The following ADGRL1 variants were observed in gnomAD, a reference collection of about 807,000 sequenced individuals.
The protein encoded by ADGRL1 is adhesion G protein-coupled receptor L1.
In ADGRL1, 31 loss-of-function variants were observed where a neutral mutation model predicts 148.9. The observed-to-expected ratio is 0.21, with a 90% CI of 0.16 to 0.28. The LOEUF (loss-of-function observed/expected upper bound fraction) is 0.28. ADGRL1 is among the 10% of genes least tolerant of loss of function. The pLI, the probability that ADGRL1 is intolerant of heterozygous loss-of-function variation, is 1.00. For missense variants in ADGRL1, 1,521 were observed against 2,058.8 expected (o/e 0.74, Z 5.05); for synonymous variants, 937 against 900.3 (o/e 1.04, Z -0.73).
chr19:14,164,817 G>T (rs897225995), intron 4 of ADGRL1: 2 of 152,168 alleles, frequency 1.3e-5, no homozygotes, highest in Middle Eastern at 3.1e-3. Context: ...GACTGATCCG[G>T]GGGTCAGTGT....
intron 16 of ADGRL1, 32 bp downstream of exon 16, chr19:14,156,626 T>C: frequency 6.3e-7 from 1 of 1,586,532 alleles, no homozygotes; most frequent in Non-Finnish European, 8.6e-7. Context: ...TGAAGGAAGA[T>C]GTGGTGCTAG....
chr19:14,182,388 GGAC>G (rs1349220181), intron 2 of ADGRL1, among the ~76,000 whole-genome samples: 1 of 152,192 alleles, frequency 6.6e-6, no homozygotes, highest in Non-Finnish European at 1.5e-5. Context: ...ATTCAGCCAG[GGAC>G]CCAGATGCCC....
intron 4 of ADGRL1, among the ~76,000 whole-genome samples, chr19:14,165,641 C>A (rs1393373589): frequency 6.7e-6 from 1 of 149,760 alleles, no homozygotes; most frequent in Non-Finnish European, 1.5e-5. Flanking sequence ...GCATCCAAAC[C>A]AGTGGGCCTG....
chr19:14,175,741 C>A (rs925433103), intron 3 of ADGRL1, among the ~76,000 whole-genome samples: 2 of 152,122 alleles, frequency 1.3e-5, no homozygotes, highest in African/African-American at 4.8e-5. Context: ...CAAAAATGCA[C>A]ACATACTCAC....
Position 14,163,144 on chromosome 19 carries a change from G to C in ADGRL1, c.657C>G (p.Phe219Leu). 1 of 1,614,024 alleles carries C rather than the reference G, an allele frequency of 6.2e-7. No individual in the cohort carries two copies. Among genetic ancestry groups the C allele is most frequent in the Non-Finnish European group, 8.5e-7 (1 of 1,180,038 alleles). The change falls in exon 5 of 23, where the codon TTC becomes TTG. Residue 219 changes from phenylalanine to leucine, a missense_variant. Transcript: ENST00000361434. ...TGTTGCGCGTGCGCTCCTTGTTGTAGAAGACGGCACCATCGTAGACCACAA... is the reference window on the plus strand; with the variant it reads ...TGTTGCGCGTGCGCTCCTTGTTGTACAAGACGGCACCATCGTAGACCACAA... The part of the protein sequence containing the change: ...TGFVVYDGAV[F>L]YNKERTRNIV...
rs956107471 is a variant in ADGRL1 at position 14,177,674 on chromosome 19, C to T, written c.141G>A (p.Glu47=). The T allele has an allele frequency of 1.9e-6, 3 of 1,614,056 alleles. No homozygotes were observed. Among genetic ancestry groups the T allele is most frequent in the Middle Eastern group, 1.6e-4 (1 of 6,084 alleles). ...RELACEGYPI[E]LRCPGSDVIM... is the part of the protein sequence containing the mutation. ...TGACGTCGCTGCCGGGGCACCGCAG[C>T]TCGATGGGGTAGCCTTCACACGCCA... The change falls in exon 3 of 23, where the codon GAG becomes GAA. Residue 47 remains glutamate (E), a synonymous_variant. Transcript: ENST00000361434.
intron 4 of ADGRL1, among the ~76,000 whole-genome samples, chr19:14,164,085 G>A (rs940258829): frequency 1.3e-5 from 2 of 151,982 alleles, no homozygotes; most frequent in Non-Finnish European, 2.9e-5. Flanking sequence ...TCCTGATGCA[G>A]CCTGCTCCCC....
At position 14,156,934 on chromosome 19, in the gene ADGRL1, G is replaced by C; in HGVS notation, c.2957C>G (p.Thr986Ser). 6.2e-7 allele frequency: 1 copy of C among 1,610,632 alleles called. No homozygotes were observed. Among genetic ancestry groups the C allele is most frequent in the Non-Finnish European group, 8.5e-7 (1 of 1,179,660 alleles). ...GGAGGTGGAAACTCACGCCTTCTCG[G>C]TGCCGTAGCTGCGGTAGTCAATGGC... The part of the protein sequence containing the change: ...AAAIDYRSYG[T>S]EKACWLRVDN... Residue 986 changes from threonine to serine, a missense_variant, in exon 15 of 23, where the codon ACC becomes AGC. Thr to Ser is a moderately conservative substitution (Grantham distance 58, BLOSUM62 1). Coordinates refer to ENST00000361434, the MANE Select transcript of ADGRL1 (RefSeq NM_014921.5).
intron 4 of ADGRL1, among the ~76,000 whole-genome samples, chr19:14,164,312 G>A (rs936375236): frequency 1.3e-5 from 2 of 152,090 alleles, no homozygotes; most frequent in African/African-American, 4.8e-5. Context: ...CAGGGCTCCC[G>A]GGAGAGTTGG....
Position 14,160,361 on chromosome 19 carries a change from G to A in ADGRL1, c.1615-64C>T, listed in dbSNP as rs1048307138. On this transcript the variant is annotated intron_variant, in intron 7 of 22. Coordinates refer to ENST00000361434, the MANE Select transcript of ADGRL1 (RefSeq NM_014921.5). This position sits in a 1 kb window ranked among gnomAD's most constrained non-coding sequence, Gnocchi z 5.9. ...TGTCAGGGACCATCCTGCCCTCCCC[G>A]GCTTCCCTGGCCTGTGCAGCCTCTC... is the stretch of plus-strand genomic sequence containing the variant. 2.1e-5 allele frequency: 30 copies of A among 1,453,154 alleles called. No individual in the cohort carries two copies. Among genetic ancestry groups the A allele is most frequent in the East Asian group, 1.2e-4 (5 of 43,266 alleles). 90.0% of individuals were successfully genotyped at this position (1,453,154 alleles called of 1,614,324 possible). A position where few individuals can be genotyped will look rare whatever the true frequency, so the allele number is the denominator to read the frequency against.
At chr19:14,153,021 C>T in intron 18 of ADGRL1, 109 bp from the exon 19 acceptor site, 1 of 1,297,812 alleles carries the variant, frequency 7.7e-7, no homozygotes, top group Non-Finnish European at 1.1e-6. Context: ...GGAGACCGAG[C>T]TTCCAATGAC....
At chr19:14,202,873 A>C (rs1473450814) in intron 1 of ADGRL1, among the ~76,000 whole-genome samples, 2 of 151,918 alleles carry the variant, frequency 1.3e-5, no homozygotes, top group African/African-American at 4.8e-5. Context: ...TGAACACCGG[A>C]TGAGTCTGAT....
At chr19:14,190,511 C>A (rs1014602352) in intron 1 of ADGRL1, among the ~76,000 whole-genome samples, 2 of 152,168 alleles carry the variant, frequency 1.3e-5, no homozygotes, top group African/African-American at 2.4e-5. Context: ...AAGCGATGCT[C>A]CCGCCTTGGC....
At chr19:14,201,304 T>TG (rs1568242935) in intron 1 of ADGRL1, among the ~76,000 whole-genome samples, 2 of 141,968 alleles carry the variant, frequency 1.4e-5, no homozygotes, top group South Asian at 2.5e-4. Flanking sequence ...GTTTTTTTGT[T>TG]TTTTTTTTTT....
At position 14,163,465 on chromosome 19, in the gene ADGRL1, GGAGAGAGAGA is replaced by G. The variant is rs71170599; in HGVS notation, c.395-69_395-60del. 4.1e-4 allele frequency: 287 copies of G among 701,484 alleles called. 1 individual carries two copies. Among genetic ancestry groups the G allele is most frequent in the African/African-American group, 4.7e-4 (20 of 42,882 alleles). 43.5% of individuals were successfully genotyped at this position (701,484 alleles called of 1,614,324 possible). ...AGAGAAGGGGCAGAGGCGAGAGGGA[GGAGAGAGAGA>G]GAGAGAGAGAGAGAGAGAGAGAGGG... On this transcript the variant is annotated intron_variant, in intron 4 of 22. Coordinates refer to ENST00000361434, the MANE Select transcript of ADGRL1 (RefSeq NM_014921.5).
chr19:14,202,027 C>T (rs1036027697), intron 1 of ADGRL1, among the ~76,000 whole-genome samples: 6 of 152,034 alleles, frequency 3.9e-5, no homozygotes, highest in African/African-American at 1.5e-4. Context: ...AAGGGTCCTC[C>T]GTGGCAGAAC....
intron 16 of ADGRL1, 129 bp downstream of exon 16, chr19:14,156,528 GT>G (rs1021331012): frequency 4.1e-6 from 3 of 731,732 alleles, no homozygotes; most frequent in Non-Finnish European, 6.8e-6. Context: ...CGGTGGCTCA[GT>G]TCCGATGTGT....
intron 1 of ADGRL1, among the ~76,000 whole-genome samples, chr19:14,195,294 G>A (rs948366317): frequency 6.6e-6 from 1 of 152,190 alleles, no homozygotes; most frequent in Non-Finnish European, 1.5e-5. Flanking sequence ...GGTGCGGCAG[G>A]GTGGGCCACT....
At chr19:14,165,425 C>T (rs1162325822) in intron 4 of ADGRL1, among the ~76,000 whole-genome samples, 4 of 152,052 alleles carry the variant, frequency 2.6e-5, no homozygotes, top group African/African-American at 7.3e-5. Context: ...CAGAGCCTAA[C>T]CTGCTCAGAG....
Sources: gnomAD v4.1 joint callset for allele counts (sites outside exome capture counted in the v4.1 genomes callset) on GRCh38, gnomAD v4.1.1 for gene constraint, Gnocchi (gnomAD v3.1) non-coding constraint, MANE v1.5 for transcripts, NCBI Gene and HGNC (gene_info 2026-07-23, HGNC 2026-07-21) for gene names.